The following DNAJC21 variants were observed in gnomAD, a reference collection of about 807,000 sequenced individuals.
DNAJC21 encodes dnaJ homolog subfamily C member 21.
In DNAJC21, 63 loss-of-function variants were observed where a neutral mutation model predicts 72.4. The ratio of observed to expected loss-of-function variants is 0.87; its 90% CI spans 0.71 to 1.07. The LOEUF is 1.07. Among genes scored for constraint, DNAJC21 ranks in the 50% least tolerant of loss-of-function variants. The probability of loss-of-function intolerance (pLI) is 0.00; values close to 1 mark genes in which losing one functional copy is unlikely to be tolerated. For synonymous variants in DNAJC21, 203 were observed against 216.7 expected, an observed-to-expected ratio of 0.94 and a Z score of 0.56; for missense variants, 634 against 644.8, an observed-to-expected ratio of 0.98 and a Z score of 0.18.
intron 10 of DNAJC21, chr5:34,953,461 C>T (rs1765441408): frequency 6.6e-6 from 1 of 152,210 alleles, no homozygotes; most frequent in African/African-American, 2.4e-5. Context: ...GGAGGTTTCA[C>T]CATGTTGGCC....
chr5:34,951,133 A>C, intron 10 of DNAJC21: 3 of 985,468 alleles, frequency 3.0e-6, no homozygotes, highest in Non-Finnish European at 3.6e-6. Flanking sequence ...GGAAGGAGGA[A>C]ACAGATGTGG....
chr5:34,948,160 G>A (rs1292448363), intron 9 of DNAJC21, among the ~76,000 whole-genome samples: 2 of 152,254 alleles, frequency 1.3e-5, no homozygotes, highest in East Asian at 3.9e-4. Context: ...CTGTAGAGTT[G>A]GATTGAAGTG....
chr5:34,954,680 G>A lies in DNAJC21; in HGVS notation c.1562G>A (p.Ser521Asn). 1.9e-6 allele frequency: 3 copies of A among 1,610,798 alleles called. No homozygotes were observed. The highest frequency in any genetic ancestry group is 2.5e-6 in the Non-Finnish European group (3 of 1,178,772). Reference protein sequence around the residue: ...SSSSLNSATSSQSKKEKRKNR With the variant: ...SSSSLNSATSNQSKKEKRKNR ...TCGTCTTTAAACAGCGCAACAAGTAGTCAAAGCAAGAAAGAGAAACGTAAA... is the reference window on the plus strand; with the variant it reads ...TCGTCTTTAAACAGCGCAACAAGTAATCAAAGCAAGAAAGAGAAACGTAAA... The change falls in exon 12 of 12, where the codon AGT becomes AAT. Residue 521 changes from serine to asparagine, a missense_variant. Coordinates refer to ENST00000648817, the MANE Select transcript of DNAJC21 (RefSeq NM_001012339.3).
At position 34,957,040 on chromosome 5, in the gene DNAJC21, A is replaced by G. The variant is rs1019018128; in HGVS notation, c.*2326A>G. The G allele has an allele frequency of 1.3e-5, 2 of 152,212 alleles. No homozygotes were observed. The highest frequency in any genetic ancestry group is 2.9e-5 in the Non-Finnish European group (2 of 68,038). The allele number at this position is 152,212 out of a possible 1,614,324, so 9.4% of individuals were successfully genotyped here. A position where few individuals can be genotyped will look rare whatever the true frequency, so the allele number is the denominator to read the frequency against. ...TAGTTTATATATTTGCAGACTATAC[A>G]TGTTGGATTAAATGGGCAATTAAGT... On this transcript the variant is annotated 3_prime_UTR_variant, in exon 12 of 12. Transcript: ENST00000648817.
intron 9 of DNAJC21, chr5:34,949,628 A>G: frequency 1.2e-6 from 2 of 1,608,942 alleles, no homozygotes. Context: ...GAGAGAAGAG[A>G]TGGAGAGAGC....
chr5:34,953,862 T>C, intron 10 of DNAJC21, 64 bp from the exon 11 acceptor site: 1 of 1,332,470 alleles, frequency 7.5e-7, no homozygotes, highest in Non-Finnish European at 1.0e-6. Flanking sequence ...TAGAGAGCAC[T>C]CAAATAATGA....
At chr5:34,929,968 C>T (rs1764529345) in intron 1 of DNAJC21, 52 bp downstream of exon 1, 1 of 1,413,244 alleles carries the variant, frequency 7.1e-7, no homozygotes, top group East Asian at 2.8e-5. Flanking sequence ...CCCGGCCCTC[C>T]CCGACCTTCC....
chr5:34,954,291 G>T (rs1422835667), intron 11 of DNAJC21: 1 of 476,364 alleles, frequency 2.1e-6, no homozygotes, highest in African/African-American at 2.0e-5. Flanking sequence ...GAGATTAATT[G>T]TGAAGCATAA....
At chr5:34,949,814 C>T in intron 9 of DNAJC21, 2 of 1,447,254 alleles carry the variant, frequency 1.4e-6, no homozygotes, top group South Asian at 1.5e-5. Context: ...TTAATTTTAC[C>T]TGTAGAGATT....
In DNAJC21 at chr5:34,956,052, CAAAAAAAAAAAAAA is replaced by C. The variant is rs372749678; in HGVS notation, c.*1348_*1361del. On this transcript the variant is annotated 3_prime_UTR_variant, in exon 12 of 12. Transcript: ENST00000648817. Reference sequence around the variant, plus strand: ...TGGGCGACAGAGCGAGACTCCGTCTCAAAAAAAAAAAAAAAAAAAAAAAGAAAGTAATTTTAAAC... The same window carrying C: ...TGGGCGACAGAGCGAGACTCCGTCTCAAAAAAAAAGAAAGTAATTTTAAAC... 5.3e-4 allele frequency: 29 copies of C among 54,774 alleles called. No individual in the cohort carries two copies. The highest frequency in any genetic ancestry group is 2.0e-3 in the African/African-American group (28 of 13,998). The allele number at this position is 54,774 out of a possible 1,614,324, so 3.4% of individuals were successfully genotyped here.
intron 7 of DNAJC21, among the ~76,000 whole-genome samples, chr5:34,943,679 G>A (rs925822373): frequency 6.6e-6 from 1 of 152,186 alleles, no homozygotes; most frequent in Non-Finnish European, 1.5e-5. Context: ...GCTTGCGTCA[G>A]TCTTTTTTAT....
intron 1 of DNAJC21, among the ~76,000 whole-genome samples, chr5:34,931,186 A>G (rs576204360): frequency 6.6e-6 from 1 of 152,160 alleles, no homozygotes; most frequent in African/African-American, 2.4e-5. Flanking sequence ...ATGGTGATGG[A>G]GTGAGAGATA....
chr5:34,942,585 CACTT>C (rs1765031014), intron 7 of DNAJC21, among the ~76,000 whole-genome samples: 1 of 152,126 alleles, frequency 6.6e-6, no homozygotes, highest in African/African-American at 2.4e-5. Flanking sequence ...GGAAATGACA[CACTT>C]AAAGGTAAAT....
intron 8 of DNAJC21, among the ~76,000 whole-genome samples, chr5:34,945,356 G>T (rs1210678592): frequency 6.6e-6 from 1 of 152,188 alleles, no homozygotes; most frequent in African/African-American, 2.4e-5. Context: ...GGGGTTACAG[G>T]TGTGAGCCAC....
At chr5:34,929,939 C>A in intron 1 of DNAJC21, 23 bp downstream of exon 1, 1 of 1,540,940 alleles carries the variant, frequency 6.5e-7, no homozygotes, top group Non-Finnish European at 8.8e-7. Context: ...CCCGCAGCCC[C>A]CGCGGCCACT....
chr5:34,934,134 T>G (rs976696939), intron 2 of DNAJC21, among the ~76,000 whole-genome samples: 1 of 152,148 alleles, frequency 6.6e-6, no homozygotes, highest in African/African-American at 2.4e-5. Flanking sequence ...TTTGGTGATA[T>G]TATATAGTTT....
intron 6 of DNAJC21, among the ~76,000 whole-genome samples, chr5:34,940,349 A>G (rs1160412194): frequency 6.6e-6 from 1 of 152,206 alleles, no homozygotes; most frequent in Non-Finnish European, 1.5e-5. Context: ...TATTTTGATC[A>G]TTTATGATTT....
At chr5:34,949,394 A>G (rs1580539218) in intron 9 of DNAJC21, 27 of 1,297,462 alleles carry the variant, frequency 2.1e-5, no homozygotes, top group Non-Finnish European at 2.7e-5. Context: ...TAAATGCAAC[A>G]TGTGATCCTT....
intron 9 of DNAJC21, among the ~76,000 whole-genome samples, chr5:34,946,670 C>T (rs1217216302): frequency 6.6e-6 from 1 of 152,012 alleles, no homozygotes; most frequent in Non-Finnish European, 1.5e-5. Context: ...AATATGTGTT[C>T]TTTTTATAAA....
Sources: gnomAD v4.1 joint callset for allele counts (sites outside exome capture counted in the v4.1 genomes callset) on GRCh38, gnomAD v4.1.1 for gene constraint, MANE v1.5 for transcripts, NCBI Gene and HGNC (gene_info 2026-07-23, HGNC 2026-07-21) for gene names.